The following FAM184A variants were observed in gnomAD, a reference collection of about 807,000 sequenced individuals.
FAM184A encodes protein FAM184A.
Under a neutral mutation model 143.8 loss-of-function variants are expected in FAM184A, and 99 were observed. That is an observed-to-expected ratio of 0.69 (90% confidence interval 0.58 to 0.81). The LOEUF is 0.81. Among genes scored for constraint, FAM184A ranks in the 40% least tolerant of loss-of-function variants. FAM184A has a pLI of 0.00. For missense variants in FAM184A, 1,217 were observed against 1,310.5 expected (o/e 0.93, Z 1.10); for synonymous variants, 427 against 446.4 (o/e 0.96, Z 0.55).
intron 1 of FAM184A, among the ~76,000 whole-genome samples, chr6:119,087,777 T>C (rs1211924593): frequency 6.6e-6 from 1 of 152,148 alleles, no homozygotes; most frequent in Non-Finnish European, 1.5e-5. Context: ...AAGCAAAGAC[T>C]TGAAAAGATA....
At chr6:118,968,657 C>T (rs1041275072) in intron 14 of FAM184A, among the ~76,000 whole-genome samples, 3 of 152,136 alleles carry the variant, frequency 2.0e-5, no homozygotes, top group Non-Finnish European at 4.4e-5. Flanking sequence ...AAGCAAAGTA[C>T]AAGATTTATG....
chr6:119,053,290 T>C (rs1786835142), intron 1 of FAM184A, among the ~76,000 whole-genome samples: 1 of 152,160 alleles, frequency 6.6e-6, no homozygotes, highest in Non-Finnish European at 1.5e-5. Flanking sequence ...ACTTTACAAG[T>C]TATAGAGGAC....
At chr6:119,025,706 T>C (rs1288624439) in intron 1 of FAM184A, 5 of 481,552 alleles carry the variant, frequency 1.0e-5, no homozygotes, top group East Asian at 5.6e-5. Context: ...ATGACTGTTA[T>C]TTAAGGCTTT....
intron 1 of FAM184A, among the ~76,000 whole-genome samples, chr6:119,109,166 T>A (rs995374611): frequency 3.7e-4 from 57 of 152,318 alleles, no homozygotes; most frequent in African/African-American, 1.4e-3. Flanking sequence ...TTGAACCATA[T>A]AATTTAGCCA....
chr6:119,063,843 CG>C (rs1787345712), intron 1 of FAM184A, among the ~76,000 whole-genome samples: 1 of 152,216 alleles, frequency 6.6e-6, no homozygotes, highest in African/African-American at 2.4e-5. Context: ...AACCAGCCTC[CG>C]GGTCACTGCC....
intron 9 of FAM184A, among the ~76,000 whole-genome samples, chr6:118,993,895 C>T (rs768073603): frequency 1.3e-5 from 2 of 152,202 alleles, no homozygotes; most frequent in Non-Finnish European, 2.9e-5. Flanking sequence ...CAACAGTTCA[C>T]TGCTCTTTGG....
rs114241739 is a variant in FAM184A, at chr6:119,046,092, T to A, written c.160-21279A>T. 3.3e-5 allele frequency among the ~76,000 whole-genome samples: 5 copies of A among 152,312 alleles called. No individual in the cohort carries two copies. In the East Asian group the frequency reaches 7.7e-4, roughly 23 times the overall value. ...TATTACAACTGTTATCTTTTTTCCA[T>A]ATCTCACCTTGTAACAGAACCTAAT... On this transcript the variant is annotated intron_variant, in intron 1 of 17. Coordinates refer to ENST00000338891, the MANE Select transcript of FAM184A (RefSeq NM_024581.6).
At chr6:119,124,212 A>G (rs1483960079) in intron 1 of FAM184A, among the ~76,000 whole-genome samples, 1 of 152,194 alleles carries the variant, frequency 6.6e-6, no homozygotes, top group Non-Finnish European at 1.5e-5. Context: ...TGGTTTAATT[A>G]TCTGGCCTCA....
At chr6:119,128,311 C>T (rs1789429582) in intron 1 of FAM184A, among the ~76,000 whole-genome samples, 1 of 152,142 alleles carries the variant, frequency 6.6e-6, no homozygotes, top group Non-Finnish European at 1.5e-5. Context: ...AAAATTTTAT[C>T]ATAGGGTTTT....
intron 5 of FAM184A, among the ~76,000 whole-genome samples, chr6:119,011,833 AGAAT>A (rs1785101234): frequency 1.3e-5 from 2 of 152,222 alleles, no homozygotes; most frequent in African/African-American, 4.8e-5. Context: ...AACACAGTAG[AGAAT>A]GAGCAAGTAT....
chr6:119,082,924 C>T (rs1461466339), upstream of FAM184A, among the ~76,000 whole-genome samples: 1 of 152,232 alleles, frequency 6.6e-6, no homozygotes, highest in African/African-American at 2.4e-5. Context: ...TCTGCACTGA[C>T]CTAGCAGAGG....
At chr6:118,960,955 G>T (rs1458233560) in intron 17 of FAM184A, 3 of 553,190 alleles carry the variant, frequency 5.4e-6, no homozygotes, top group Non-Finnish European at 8.2e-6. Flanking sequence ...TTTCATTCTT[G>T]CTATTTTTTT....
At chr6:119,083,852 T>C (rs1788140629) in intron 1 of FAM184A, among the ~76,000 whole-genome samples, 1 of 152,204 alleles carries the variant, frequency 6.6e-6, no homozygotes, top group Admixed American at 6.5e-5. Flanking sequence ...GTTCCAAAGT[T>C]GCTTCCACAT....
chr6:119,074,013 C>G (rs1011905159), intron 1 of FAM184A, among the ~76,000 whole-genome samples: 1 of 152,266 alleles, frequency 6.6e-6, no homozygotes, highest in East Asian at 1.9e-4. Context: ...AAGGAGTAAG[C>G]AACCAATCAG....
intron 9 of FAM184A, among the ~76,000 whole-genome samples, chr6:119,002,487 G>A (rs1249097498): frequency 6.6e-6 from 1 of 152,120 alleles, no homozygotes. Context: ...CTCCTTTGGT[G>A]AGAAAAGTAA....
chr6:118,996,097 C>G (rs566962259), intron 9 of FAM184A, among the ~76,000 whole-genome samples: 1 of 152,144 alleles, frequency 6.6e-6, no homozygotes, highest in Non-Finnish European at 1.5e-5. Context: ...GACTTAAATT[C>G]TAATAAGGGA....
Position 119,024,435 on chromosome 6 carries a change from C to T in FAM184A, c.538G>A (p.Glu180Lys). 1 of 1,614,134 alleles carries T rather than the reference C, an allele frequency of 6.2e-7. No homozygotes were observed. The highest frequency in any genetic ancestry group is 1.1e-5 in the South Asian group (1 of 91,084). The part of the protein sequence containing the change: ...RSFGQLQVQF[E>K]KDKRLALEDL... ...TCCAATGCCAATCGTTTGTCTTTTTCAAACTGTACTTGAAGTTGTCCAAAG... is the reference window on the plus strand; with the variant it reads ...TCCAATGCCAATCGTTTGTCTTTTTTAAACTGTACTTGAAGTTGTCCAAAG... The change falls in exon 2 of 18, where the codon GAA (glutamate) becomes AAA (lysine). Residue 180 changes from glutamate (E) to lysine (K), a missense_variant. Physicochemically the swap from Glu to Lys is moderately conservative, Grantham distance 56. Transcript: ENST00000338891.
intron 11 of FAM184A, among the ~76,000 whole-genome samples, chr6:118,978,820 C>A (rs1404747061): frequency 6.6e-6 from 1 of 152,056 alleles, no homozygotes; most frequent in Admixed American, 6.6e-5. Flanking sequence ...TATTGAATGA[C>A]ATAAAAAACA....
intron 1 of FAM184A, among the ~76,000 whole-genome samples, chr6:119,041,395 C>T (rs368848852): frequency 3.3e-5 from 5 of 152,110 alleles, no homozygotes; most frequent in African/African-American, 1.2e-4. Context: ...AGCTCACACT[C>T]GGCCAATCAG....
Sources: allele counts gnomAD v4.1 joint callset (sites outside exome capture counted in the v4.1 genomes callset), GRCh38; gene constraint gnomAD v4.1.1; transcripts MANE v1.5; gene names NCBI Gene and HGNC (gene_info 2026-07-23, HGNC 2026-07-21).